The following CEP85L variants were observed in gnomAD, a reference collection of about 807,000 sequenced individuals.
CEP85L encodes centrosomal protein 85L, also known as centrosomal protein of 85 kDa-like.
CEP85L carries 60 observed loss-of-function variants against 100.3 expected under a neutral mutation model. The observed-to-expected ratio is 0.60, with a 90% CI of 0.49 to 0.74. The LOEUF is 0.74. Among genes scored for constraint, CEP85L ranks in the 30% least tolerant of loss-of-function variants. The pLI, the probability that CEP85L is intolerant of heterozygous loss-of-function variation, is 0.00. For missense variants in CEP85L, 973 were observed against 936.2 expected, an observed-to-expected ratio of 1.04 and a Z score of -0.51; for synonymous variants, 319 against 322.7, an observed-to-expected ratio of 0.99 and a Z score of 0.12.
At chr6:118,655,119 C>T (rs17348534), upstream of CEP85L, among the ~76,000 whole-genome samples, 22,714 of 152,154 alleles carry the variant, frequency 0.15, 2,264 homozygotes, top group Non-Finnish European at 0.22. Context: ...CTGTGATTTC[C>T]TACCCAGTGC....
At chr6:118,585,041 C>T (rs1780778849) in intron 2 of CEP85L, among the ~76,000 whole-genome samples, 1 of 152,160 alleles carries the variant, frequency 6.6e-6, no homozygotes, top group Admixed American at 6.5e-5. Context: ...CCAGACTGGA[C>T]CCTCTTGACA....
intron 2 of CEP85L, among the ~76,000 whole-genome samples, chr6:118,631,054 A>G (rs1774113033): frequency 6.6e-6 from 1 of 152,162 alleles, no homozygotes; most frequent in African/African-American, 2.4e-5. Context: ...CTGCTACCCT[A>G]ATGCATGAAC....
chr6:118,642,285 G>A (rs535687556), intron 1 of CEP85L, among the ~76,000 whole-genome samples: 10 of 152,034 alleles, frequency 6.6e-5, no homozygotes, highest in African/African-American at 2.4e-4. Context: ...TGAAAGGTTT[G>A]TAAAATGTGT....
intron 5 of CEP85L, among the ~76,000 whole-genome samples, chr6:118,494,582 C>T (rs1451136755): frequency 1.3e-5 from 2 of 152,106 alleles, no homozygotes; most frequent in African/African-American, 4.8e-5. Context: ...CATCCTGTCC[C>T]GCCTAAGGGT....
chr6:118,586,574 TCA>T (rs1230489481), intron 2 of CEP85L, among the ~76,000 whole-genome samples: 2 of 152,010 alleles, frequency 1.3e-5, no homozygotes, highest in African/African-American at 4.8e-5. Flanking sequence ...CCTGGAAACA[TCA>T]CACTCAAGTC....
intron 2 of CEP85L, among the ~76,000 whole-genome samples, chr6:118,629,413 CA>C (rs766839393): frequency 1.3e-5 from 2 of 152,152 alleles, no homozygotes; most frequent in African/African-American, 2.4e-5. Flanking sequence ...ATACAGGCAG[CA>C]AACAAGCATA....
At chr6:118,595,060 C>T (rs1253042828) in intron 2 of CEP85L, among the ~76,000 whole-genome samples, 1 of 152,082 alleles carries the variant, frequency 6.6e-6, no homozygotes, top group African/African-American at 2.4e-5. Context: ...TTTCCTCTTA[C>T]AATCCCTCTG....
chr6:118,705,564 T>C (rs994571332), intron 1 of CEP85L, among the ~76,000 whole-genome samples: 2 of 152,144 alleles, frequency 1.3e-5, no homozygotes, highest in African/African-American at 4.8e-5. Context: ...CATTGTTGAG[T>C]TGTGAGGAAG....
At position 118,518,171 on chromosome 6, in the gene CEP85L, C is replaced by T. The variant is rs182972545; in HGVS notation, c.1139+5631G>A. On this transcript the variant is annotated intron_variant, in intron 4 of 12. Transcript: ENST00000368491. ...GGATTTTTGCATCGATGTTCATCAG[C>T]AATATTGGCCTGAAATTTTCTTTTT... 8.5e-5 allele frequency among the ~76,000 whole-genome samples: 13 copies of T among 152,180 alleles called. No individual in the cohort carries two copies. In the East Asian group the frequency reaches 2.5e-3, roughly 29 times the overall value.
chr6:118,539,279 T>C (rs1777773045), intron 3 of CEP85L, among the ~76,000 whole-genome samples: 1 of 152,210 alleles, frequency 6.6e-6, no homozygotes, highest in Non-Finnish European at 1.5e-5. Flanking sequence ...TCTATAGATA[T>C]ATTTAGGTAC....
chr6:118,605,342 G>T (rs552563699), intron 2 of CEP85L, among the ~76,000 whole-genome samples: 2 of 152,286 alleles, frequency 1.3e-5, no homozygotes, highest in South Asian at 2.1e-4. Context: ...CCAGTGGGGG[G>T]TGGGGATGTT....
intron 4 of CEP85L, among the ~76,000 whole-genome samples, chr6:118,520,052 C>T (rs1776566550): frequency 6.6e-6 from 1 of 152,094 alleles, no homozygotes; most frequent in African/African-American, 2.4e-5. Context: ...GTAGTTTCCA[C>T]AATCTAAAAA....
intron 1 of CEP85L, among the ~76,000 whole-genome samples, chr6:118,648,555 C>T (rs935563022): frequency 7.2e-5 from 11 of 151,960 alleles, no homozygotes; most frequent in African/African-American, 2.7e-4. Context: ...CCCTGGGTAA[C>T]ACGGTGAAAC....
At chr6:118,636,263 T>A (rs1774487424) in intron 1 of CEP85L, among the ~76,000 whole-genome samples, 1 of 152,218 alleles carries the variant, frequency 6.6e-6, no homozygotes, top group Non-Finnish European at 1.5e-5. Flanking sequence ...AGCCAGCATA[T>A]TAATTCATTT....
intron 3 of CEP85L, among the ~76,000 whole-genome samples, chr6:118,555,119 T>C (rs1778775627): frequency 6.6e-6 from 1 of 152,206 alleles, no homozygotes; most frequent in Admixed American, 6.5e-5. Context: ...AACTGTATTC[T>C]GCTACACATC....
chr6:118,651,082 G>A (rs563081036), intron 1 of CEP85L, 115 bp downstream of exon 1: 3 of 1,357,158 alleles, frequency 2.2e-6, no homozygotes, highest in South Asian at 1.7e-5. Flanking sequence ...GGCGGCGTCG[G>A]GGAGGCGGCC....
chr6:118,584,571 G>C (rs1037259627), intron 2 of CEP85L, among the ~76,000 whole-genome samples: 2 of 152,214 alleles, frequency 1.3e-5, no homozygotes, highest in African/African-American at 4.8e-5. Flanking sequence ...TTCCTATAGG[G>C]AAGGACTTCA....
At chr6:118,703,027 C>T (rs1292255014) in intron 1 of CEP85L, among the ~76,000 whole-genome samples, 2 of 148,198 alleles carry the variant, frequency 1.3e-5, no homozygotes, top group African/African-American at 4.9e-5. Context: ...AGCTAGAGTT[C>T]ATTTTACCAC....
At position 118,566,121 on chromosome 6, in the gene CEP85L, G is replaced by A. The variant is rs763347665; in HGVS notation, c.428C>T (p.Ser143Phe). 2 of 1,614,182 alleles carry A rather than the reference G, an allele frequency of 1.2e-6. No homozygotes were observed. The highest frequency in any genetic ancestry group is 2.2e-5 in the South Asian group (2 of 91,080). ...LGNHSRGEQD[S>F]SLDMKDFRPL... ...CCGGAAGTCCTTCATGTCTAGGGAAGAGTCCTGCTCCCCCCTACTGTGGTT... is the reference window on the plus strand; with the variant it reads ...CCGGAAGTCCTTCATGTCTAGGGAAAAGTCCTGCTCCCCCCTACTGTGGTT... Residue 143 changes from serine (S) to phenylalanine (F), a missense_variant, in exon 3 of 13, where the codon TCT becomes TTT. Physicochemically the swap from Ser to Phe is radical, Grantham distance 155. This residue lies in a region of CEP85L where 890 missense variants were observed against 844.5 expected (regional missense o/e 1.05). Coordinates refer to ENST00000368491, the MANE Select transcript of CEP85L (RefSeq NM_001042475.3).
Sources: allele counts gnomAD v4.1 joint callset (sites outside exome capture counted in the v4.1 genomes callset), GRCh38; gene constraint gnomAD v4.1.1; regional missense constraint gnomAD v4.1.1; transcripts MANE v1.5; gene names NCBI Gene and HGNC (gene_info 2026-07-23, HGNC 2026-07-21).